The following ME1 variants were observed in gnomAD, a reference collection of about 807,000 sequenced individuals.
The protein encoded by ME1 is NADP-dependent malic enzyme.
Under a neutral mutation model 66.4 loss-of-function variants are expected in ME1, and 74 were observed. The observed-to-expected ratio is 1.11, with a 90% CI of 0.92 to 1.35. The LOEUF is 1.35. Among genes scored for constraint, ME1 ranks in the 40% most tolerant of loss-of-function variants. ME1 has a pLI of 0.00. For missense variants in ME1, 750 were observed against 694.1 expected (o/e 1.08, Z -0.90); for synonymous variants, 251 against 235.6 (o/e 1.07, Z -0.60).
intron 1 of ME1, among the ~76,000 whole-genome samples, chr6:83,430,152 A>AT (rs981632150): frequency 2.0e-5 from 3 of 151,624 alleles, no homozygotes; most frequent in African/African-American, 4.8e-5. Context: ...TCTAAACAAA[A>AT]TTTTTTTTTA....
chr6:83,339,847 C>A (rs1768540437), intron 5 of ME1, among the ~76,000 whole-genome samples: 1 of 117,558 alleles, frequency 8.5e-6, no homozygotes, highest in Non-Finnish European at 1.7e-5. Context: ...GGAGGGATAG[C>A]ATTGGGAGAT....
intron 3 of ME1, among the ~76,000 whole-genome samples, chr6:83,390,540 G>T (rs1361150531): frequency 6.6e-6 from 1 of 151,792 alleles, no homozygotes; most frequent in East Asian, 1.9e-4. Flanking sequence ...TTTCAAACAG[G>T]ATTTTTTTAT....
At chr6:83,347,610 G>A (rs1310726261) in intron 4 of ME1, among the ~76,000 whole-genome samples, 1 of 152,118 alleles carries the variant, frequency 6.6e-6, no homozygotes, top group African/African-American at 2.4e-5. Context: ...ACCTAGTATA[G>A]CATTTGGCAC....
chr6:83,423,238 A>C (rs1279411519), intron 1 of ME1, among the ~76,000 whole-genome samples: 1 of 151,544 alleles, frequency 6.6e-6, no homozygotes, highest in East Asian at 1.9e-4. Flanking sequence ...CTGTCAACTC[A>C]TTATTATATA....
chr6:83,252,581 G>A (rs575208129), intron 7 of ME1, among the ~76,000 whole-genome samples: 3 of 152,054 alleles, frequency 2.0e-5, no homozygotes, highest in Non-Finnish European at 2.9e-5. Context: ...GATTATAGGC[G>A]CCTAAGTGGA....
chr6:83,292,146 T>A (rs912059598), intron 6 of ME1, among the ~76,000 whole-genome samples: 1 of 152,168 alleles, frequency 6.6e-6, no homozygotes, highest in Admixed American at 6.5e-5. Context: ...TCATTCTCCA[T>A]CCAGTTTTGT....
chr6:83,367,943 C>T (rs1273552929), intron 3 of ME1, among the ~76,000 whole-genome samples: 1 of 152,146 alleles, frequency 6.6e-6, no homozygotes, highest in Non-Finnish European at 1.5e-5. Flanking sequence ...TAAGCTTAAT[C>T]ATTTCCAGAT....
At chr6:83,291,262 T>C (rs947335691) in intron 6 of ME1, among the ~76,000 whole-genome samples, 1 of 152,230 alleles carries the variant, frequency 6.6e-6, no homozygotes, top group Admixed American at 6.5e-5. Flanking sequence ...TGGTACCAGT[T>C]GTTCCTATCC....
intron 5 of ME1, among the ~76,000 whole-genome samples, chr6:83,326,557 C>G (rs145601717): frequency 4.6e-4 from 70 of 152,074 alleles, no homozygotes; most frequent in Non-Finnish European, 8.8e-4. Flanking sequence ...CAAAACACTC[C>G]ATCAGAAAGT....
At chr6:83,315,530 A>C (rs1768015462) in intron 5 of ME1, 117 bp from the exon 6 acceptor site, 6 of 633,052 alleles carry the variant, frequency 9.5e-6, no homozygotes, top group Non-Finnish European at 1.7e-5. Flanking sequence ...TACCATACTG[A>C]TTCAGAATTA....
intron 7 of ME1, 113 bp downstream of exon 7, chr6:83,253,512 ATAAT>A (rs1346739880): frequency 3.8e-6 from 2 of 529,876 alleles, no homozygotes; most frequent in Non-Finnish European, 6.8e-6. Flanking sequence ...ATCAGCAAGC[ATAAT>A]TCCTGGAATT....
At chr6:83,283,142 GGCGTGAACC>G (rs1320087833) in intron 6 of ME1, among the ~76,000 whole-genome samples, 64 of 146,028 alleles carry the variant, frequency 4.4e-4, no homozygotes, top group African/African-American at 1.6e-3. Context: ...GCAGGAGAAT[GGCGTGAACC>G]CGGGAGGCGG....
chr6:83,216,038 C>G (rs1789985999), intron 13 of ME1, among the ~76,000 whole-genome samples: 1 of 152,156 alleles, frequency 6.6e-6, no homozygotes, highest in Non-Finnish European at 1.5e-5. Context: ...CTTTATTTTG[C>G]CTTCCGCCCA....
intron 3 of ME1, among the ~76,000 whole-genome samples, chr6:83,357,851 T>C (rs921795552): frequency 6.8e-6 from 1 of 147,410 alleles, no homozygotes; most frequent in African/African-American, 2.5e-5. Flanking sequence ...AGCCTGCAGA[T>C]GGCCTATTGT....
At chr6:83,413,403 CTTAA>C (rs1016516727) in intron 1 of ME1, among the ~76,000 whole-genome samples, 18 of 152,050 alleles carry the variant, frequency 1.2e-4, no homozygotes, top group African/African-American at 4.1e-4. Context: ...AAAATTTTTT[CTTAA>C]TTTTTTATTT....
intron 3 of ME1, among the ~76,000 whole-genome samples, chr6:83,369,563 T>C (rs1017238594): frequency 5.3e-5 from 8 of 151,806 alleles, no homozygotes; most frequent in African/African-American, 9.7e-5. Flanking sequence ...GAGGTTGAGA[T>C]TGGAGTGAGC....
chr6:83,305,304 C>T (rs1278917491), intron 6 of ME1, among the ~76,000 whole-genome samples: 2 of 151,826 alleles, frequency 1.3e-5, no homozygotes, highest in African/African-American at 4.8e-5. Context: ...ACACAATAAG[C>T]ATAAACATAA....
chr6:83,393,341 A>G, intron 3 of ME1: 2 of 1,155,402 alleles, frequency 1.7e-6, no homozygotes, highest in South Asian at 2.7e-5. Context: ...ATTTCCTGGT[A>G]TGACAATGAA....
chr6:83,294,770 C>T (rs1374087035), intron 6 of ME1, among the ~76,000 whole-genome samples: 1 of 152,158 alleles, frequency 6.6e-6, no homozygotes, highest in African/African-American at 2.4e-5. Context: ...CCCCGACTCC[C>T]CCTGCTCCTC....
Sources: gnomAD v4.1 joint callset for allele counts (sites outside exome capture counted in the v4.1 genomes callset) on GRCh38, gnomAD v4.1.1 for gene constraint, MANE v1.5 for transcripts, NCBI Gene and HGNC (gene_info 2026-07-23, HGNC 2026-07-21) for gene names.